The following ITFG1 variants were observed in gnomAD, a reference collection of about 807,000 sequenced individuals.
ITFG1 encodes T-cell immunomodulatory protein.
ITFG1 carries 34 observed loss-of-function variants against 81.8 expected under a neutral mutation model. That is an observed-to-expected ratio of 0.42 (90% CI 0.32 to 0.55). The LOEUF (loss-of-function observed/expected upper bound fraction) is 0.55, where lower values mean the gene tolerates loss of function less well. ITFG1 is among the 20% of genes least tolerant of loss of function. The probability of loss-of-function intolerance (pLI) is 0.17; values close to 1 mark genes in which losing one functional copy is unlikely to be tolerated. For missense variants in ITFG1, 672 were observed against 755.4 expected (o/e 0.89, Z 1.29); for synonymous variants, 285 against 270.6 (o/e 1.05, Z -0.52).
chr16:47,441,185 T>C (rs1444498310), intron 5 of ITFG1, among the ~76,000 whole-genome samples: 1 of 151,990 alleles, frequency 6.6e-6, no homozygotes, highest in Non-Finnish European at 1.5e-5. Context: ...AGGCAATAAT[T>C]AACAGCTTAC....
intron 8 of ITFG1, among the ~76,000 whole-genome samples, chr16:47,333,643 AAGCAGTAG>A: frequency 6.6e-6 from 1 of 152,200 alleles, no homozygotes; most frequent in Non-Finnish European, 1.5e-5. Flanking sequence ...TGAAGTTGGT[AAGCAGTAG>A]AGCTGGGATT....
At chr16:47,290,607 T>C (rs1966894054) in intron 10 of ITFG1, among the ~76,000 whole-genome samples, 1 of 152,174 alleles carries the variant, frequency 6.6e-6, no homozygotes, top group South Asian at 2.1e-4. Flanking sequence ...CTGTTTTTTA[T>C]AAATAAATGT....
intron 2 of ITFG1, among the ~76,000 whole-genome samples, chr16:47,456,226 C>T (rs1274939136): frequency 6.6e-6 from 1 of 152,006 alleles, no homozygotes; most frequent in African/African-American, 2.4e-5. Flanking sequence ...AAAAACAAAT[C>T]TATACCAAGG....
intron 5 of ITFG1, among the ~76,000 whole-genome samples, chr16:47,446,012 G>C (rs1969320115): frequency 6.6e-6 from 1 of 151,980 alleles, no homozygotes; most frequent in Non-Finnish European, 1.5e-5. Flanking sequence ...CTTTGAATTA[G>C]ACTCTTAAGT....
At chr16:47,241,056 T>C (rs1965927554) in intron 12 of ITFG1, among the ~76,000 whole-genome samples, 1 of 147,256 alleles carries the variant, frequency 6.8e-6, no homozygotes, top group African/African-American at 2.6e-5. Context: ...ATTTAAATCA[T>C]GGTTAAGATG....
At chr16:47,307,179 C>G (rs1272910798) in intron 10 of ITFG1, among the ~76,000 whole-genome samples, 1 of 123,190 alleles carries the variant, frequency 8.1e-6, no homozygotes, top group Non-Finnish European at 1.7e-5. Flanking sequence ...GCAAATAATA[C>G]TAAAAACATG....
At chr16:47,214,967 C>T (rs1965608193) in intron 14 of ITFG1, among the ~76,000 whole-genome samples, 1 of 151,264 alleles carries the variant, frequency 6.6e-6, no homozygotes, top group South Asian at 2.1e-4. Context: ...CACACGCACG[C>T]ACAACTAAAT....
At chr16:47,365,499 A>G in intron 8 of ITFG1, 2 of 299,430 alleles carry the variant, frequency 6.7e-6, no homozygotes, top group East Asian at 1.1e-4. Flanking sequence ...ACGGTAATTA[A>G]TACCTGGAAT....
intron 14 of ITFG1, among the ~76,000 whole-genome samples, chr16:47,190,091 A>G (rs1207303621): frequency 6.6e-6 from 1 of 152,136 alleles, no homozygotes; most frequent in Non-Finnish European, 1.5e-5. Flanking sequence ...TGTAAAAATG[A>G]GCTAAATGGG....
rs533186725 is a variant in ITFG1 at position 47,425,249 on chromosome 16, G to A, written c.655+3555C>T. Among the ~76,000 whole-genome samples the A allele has an allele frequency of 3.3e-5, 5 of 152,358 alleles. No individual in the cohort carries two copies. In the East Asian group the frequency reaches 7.7e-4, roughly 24 times the overall value. On this transcript the variant is annotated intron_variant, in intron 6 of 17. Coordinates refer to ENST00000320640, the MANE Select transcript of ITFG1 (RefSeq NM_030790.5). ...ACTCCGTGGGTGTGGGACCCGTGGA[G>A]CCAGGCACGGGAAGGTATCTTCTGG...
At chr16:47,441,282 C>G (rs1969246351) in intron 5 of ITFG1, among the ~76,000 whole-genome samples, 2 of 152,186 alleles carry the variant, frequency 1.3e-5, no homozygotes, top group African/African-American at 2.4e-5. Flanking sequence ...CCTTCTGAAA[C>G]TATTCCAATC....
intron 14 of ITFG1, among the ~76,000 whole-genome samples, chr16:47,185,159 G>C (rs1221052992): frequency 6.6e-6 from 1 of 152,002 alleles, no homozygotes; most frequent in Non-Finnish European, 1.5e-5. Context: ...AAGAGACTTA[G>C]ACTCCCACAC....
At chr16:47,410,912 A>G (rs1385771641) in intron 6 of ITFG1, among the ~76,000 whole-genome samples, 2 of 152,184 alleles carry the variant, frequency 1.3e-5, no homozygotes, top group Non-Finnish European at 2.9e-5. Context: ...AGCTCTAACC[A>G]GGGCCAGGGA....
chr16:47,198,528 T>C (rs1019587933), intron 14 of ITFG1, among the ~76,000 whole-genome samples: 1 of 152,236 alleles, frequency 6.6e-6, no homozygotes, highest in Non-Finnish European at 1.5e-5. Context: ...GTATTTAGTA[T>C]ACTGTACTTT....
chr16:47,211,143 T>G (rs1054003966), intron 14 of ITFG1, among the ~76,000 whole-genome samples: 2 of 152,202 alleles, frequency 1.3e-5, no homozygotes, highest in Admixed American at 1.3e-4. Flanking sequence ...CTGTTAAATC[T>G]CCCAATCTAT....
intron 12 of ITFG1, among the ~76,000 whole-genome samples, chr16:47,251,528 G>C (rs1161058368): frequency 6.7e-6 from 1 of 149,112 alleles, no homozygotes; most frequent in East Asian, 2.0e-4. Context: ...AACAGCTTAA[G>C]AGAAGGAAGA....
At chr16:47,166,124 T>G (rs1248319849) in intron 14 of ITFG1, among the ~76,000 whole-genome samples, 1 of 152,210 alleles carries the variant, frequency 6.6e-6, no homozygotes, top group Admixed American at 6.5e-5. Context: ...ACAGACTCTT[T>G]AAGTCTGAGA....
chr16:47,347,932 C>T (rs1215791354), intron 8 of ITFG1, among the ~76,000 whole-genome samples: 3 of 152,216 alleles, frequency 2.0e-5, no homozygotes, highest in Admixed American at 6.5e-5. Flanking sequence ...GCCTCCACTG[C>T]TGATACCCAG....
intron 6 of ITFG1, chr16:47,425,976 A>G (rs1375954311): frequency 6.6e-6 from 1 of 152,024 alleles, no homozygotes; most frequent in Non-Finnish European, 1.5e-5. Context: ...TTTATCAATG[A>G]GATATGGTGG....
Sources: allele counts gnomAD v4.1 joint callset (sites outside exome capture counted in the v4.1 genomes callset), GRCh38; gene constraint gnomAD v4.1.1; transcripts MANE v1.5; gene names NCBI Gene and HGNC (gene_info 2026-07-23, HGNC 2026-07-21).